The following TMEM59 variants were observed in gnomAD, a reference collection of about 807,000 sequenced individuals.
TMEM59 encodes transmembrane protein 59.
TMEM59 carries 44 observed loss-of-function variants against 42.2 expected under a neutral mutation model. The observed-to-expected ratio is 1.04, with a 90% CI of 0.82 to 1.34. The LOEUF (loss-of-function observed/expected upper bound fraction) is 1.34. Ranked by LOEUF, TMEM59 falls within the 40% of genes most tolerant of loss-of-function variation. The pLI is 0.00. For synonymous variants in TMEM59, 148 were observed against 145.8 expected, an observed-to-expected ratio of 1.02 and a Z score of -0.11; for missense variants, 359 against 382.8, an observed-to-expected ratio of 0.94 and a Z score of 0.52.
At position 54,036,734 on chromosome 1, in the gene TMEM59, C is replaced by G; in HGVS notation, c.708-16G>C. ...CCCAGAGTTACTGGAAAAAAAAAAT[C>G]AACAATTAGTTATATTAAAATTTTA... On this transcript the variant is annotated splice_polypyrimidine_tract_variant and intron_variant, in intron 6 of 7. Coordinates refer to ENST00000234831, the MANE Select transcript of TMEM59 (RefSeq NM_004872.5). 1 of 1,509,040 alleles carries G rather than the reference C, an allele frequency of 6.6e-7. No individual in the cohort carries two copies. The highest frequency in any genetic ancestry group is 1.3e-5 in the South Asian group (1 of 78,924). 93.5% of individuals were successfully genotyped at this position (1,509,040 alleles called of 1,614,324 possible).
intron 1 of TMEM59, chr1:54,047,576 A>G (rs1657386026): frequency 2.1e-6 from 1 of 481,800 alleles, no homozygotes; most frequent in Non-Finnish European, 3.6e-6. Context: ...TTTAAAAGTG[A>G]TACGAAGAAA....
chr1:54,049,174 T>C (rs937860478), intron 1 of TMEM59, among the ~76,000 whole-genome samples: 2 of 152,224 alleles, frequency 1.3e-5, no homozygotes, highest in Non-Finnish European at 2.9e-5. Flanking sequence ...GGTTTGAAGC[T>C]CAGACTTGCC....
In TMEM59 at chr1:54,027,039, G is replaced by A. The variant is rs2100283374; in HGVS notation, c.*5111C>T. ...AACCAGGGGTCTGGTGAACTTGGAT[G>A]GGAAAAATTTTAAATCTTTCTTTTC... On this transcript the variant is annotated 3_prime_UTR_variant, in exon 8 of 8. Coordinates refer to ENST00000234831, the MANE Select transcript of TMEM59 (RefSeq NM_004872.5). 1.3e-5 allele frequency: 2 copies of A among 152,290 alleles called. No individual in the cohort carries two copies. Among genetic ancestry groups the A allele is most frequent in the Non-Finnish European group, 2.9e-5 (2 of 68,014 alleles). 9.4% of individuals were successfully genotyped at this position (152,290 alleles called of 1,614,324 possible).
upstream of TMEM59, chr1:54,053,275 G>A (rs1266580097): frequency 9.3e-6 from 14 of 1,506,454 alleles, no homozygotes; most frequent in African/African-American, 1.4e-5. Context: ...CCCCTTCTCC[G>A]CCCCACCGAC....
intron 7 of TMEM59, among the ~76,000 whole-genome samples, chr1:54,036,280 CAAAA>C (rs368533117): frequency 7.1e-4 from 96 of 135,240 alleles, no homozygotes; most frequent in South Asian, 4.5e-3. Flanking sequence ...GACTCTGCCT[CAAAA>C]AAAAAAAAAG....
chr1:54,038,006 A>G (rs984834426), intron 6 of TMEM59, among the ~76,000 whole-genome samples: 3 of 152,302 alleles, frequency 2.0e-5, no homozygotes, highest in East Asian at 1.9e-4. Context: ...CAGATTTTCA[A>G]CTATCTCCAT....
chr1:54,035,547 T>C (rs550166809), intron 7 of TMEM59, among the ~76,000 whole-genome samples: 1 of 152,332 alleles, frequency 6.6e-6, no homozygotes, highest in South Asian at 2.1e-4. Context: ...GAAGTCACAA[T>C]GTCTCCCATC....
Position 54,028,802 on chromosome 1 carries a change from C to T in TMEM59, c.*3348G>A, listed in dbSNP as rs1376433333. On this transcript the variant is annotated 3_prime_UTR_variant, in exon 8 of 8. Coordinates refer to ENST00000234831, the MANE Select transcript of TMEM59 (RefSeq NM_004872.5). Reference sequence around the variant, plus strand: ...ATAATAGTCTCCTTCAGAGTCTCAGCAATTGGGGTCAGGCACTGGGTCTTA... The same window carrying T: ...ATAATAGTCTCCTTCAGAGTCTCAGTAATTGGGGTCAGGCACTGGGTCTTA... The T allele has an allele frequency of 6.6e-6, 1 of 152,194 alleles. No homozygotes were observed. The highest frequency in any genetic ancestry group is 1.5e-5 in the Non-Finnish European group (1 of 68,088). The allele number at this position is 152,194 out of a possible 1,614,324, so 9.4% of individuals were successfully genotyped here.
chr1:54,046,828 T>C (rs1039282207), intron 2 of TMEM59, among the ~76,000 whole-genome samples: 1 of 152,250 alleles, frequency 6.6e-6, no homozygotes, highest in Non-Finnish European at 1.5e-5. Context: ...ACAAAGCCTC[T>C]GGCTACTTAT....
At position 54,048,353 on chromosome 1, in the gene TMEM59, G is replaced by T. The variant is rs546728355; in HGVS notation, c.190-981C>A. On this transcript the variant is annotated intron_variant, in intron 1 of 7. Coordinates refer to ENST00000234831, the MANE Select transcript of TMEM59 (RefSeq NM_004872.5). ...AATCTCAGCTTTCTCATCAAAAAAGGAGAGAACAGCCATTATCTCCAAATT... is the reference window on the plus strand; with the variant it reads ...AATCTCAGCTTTCTCATCAAAAAAGTAGAGAACAGCCATTATCTCCAAATT... Among the ~76,000 whole-genome samples the T allele has an allele frequency of 4.6e-5, 7 of 152,300 alleles. No homozygotes were observed. In the East Asian group the frequency reaches 7.7e-4, roughly 17 times the overall value.
At chr1:54,041,643 T>C in intron 5 of TMEM59, 81 bp downstream of exon 5, 1 of 1,147,962 alleles carries the variant, frequency 8.7e-7, no homozygotes, top group Non-Finnish European at 1.3e-6. Flanking sequence ...TCCATCAGTG[T>C]AAAAACAAAC....
At chr1:54,046,285 A>C (rs1195408956) in intron 2 of TMEM59, among the ~76,000 whole-genome samples, 1 of 152,250 alleles carries the variant, frequency 6.6e-6, no homozygotes, top group African/African-American at 2.4e-5. Flanking sequence ...CAGATCACTC[A>C]GTTAAGAAGT....
intron 3 of TMEM59, among the ~76,000 whole-genome samples, chr1:54,045,094 A>G (rs1301765878): frequency 6.6e-6 from 1 of 152,212 alleles, no homozygotes; most frequent in East Asian, 1.9e-4. Context: ...TGGAGAATAG[A>G]GTATGAAATT....
At chr1:54,051,452 T>A (rs1421799610) in intron 1 of TMEM59, among the ~76,000 whole-genome samples, 1 of 152,144 alleles carries the variant, frequency 6.6e-6, no homozygotes, top group Non-Finnish European at 1.5e-5. Flanking sequence ...CTTTAATAAA[T>A]AAGTAAAAAT....
rs568171641 is a variant in TMEM59, at chr1:54,043,444, C to A, written c.472G>T (p.Ala158Ser). ...RSFWSDMMDSAQSFITSSWTF... is the reference protein window; with the variant it reads ...RSFWSDMMDSSQSFITSSWTF... ...CATGAAGAGGTTATGAAGCTCTGTG[C>A]GGAGTCCATCATGTCACTCCAGAAT... Residue 158 changes from alanine (A) to serine (S), a missense_variant, in exon 4 of 8, where the codon GCA (alanine) becomes TCA (serine). Ala to Ser is a moderately conservative substitution (Grantham distance 99). Coordinates refer to ENST00000234831, the MANE Select transcript of TMEM59 (RefSeq NM_004872.5). 2.0e-5 allele frequency: 32 copies of A among 1,583,316 alleles called. No individual in the cohort carries two copies. Among genetic ancestry groups the A allele is most frequent in the Non-Finnish European group, 2.7e-5 (31 of 1,164,712 alleles).
rs1355640371 is a variant in TMEM59, at chr1:54,036,721, G to GGAAAAAAA, written c.708-11_708-4dup. On this transcript the variant is annotated splice_region_variant and splice_polypyrimidine_tract_variant and intron_variant, in intron 6 of 7. Coordinates refer to ENST00000234831, the MANE Select transcript of TMEM59 (RefSeq NM_004872.5). ...TAGTTAAAATCCACCCAGAGTTACT[G>GGAAAAAAA]GAAAAAAAAAATCAACAATTAGTTA... 9 of 1,546,582 alleles carry GGAAAAAAA rather than the reference G, an allele frequency of 5.8e-6. No homozygotes were observed. The highest frequency in any genetic ancestry group is 7.8e-6 in the Non-Finnish European group (9 of 1,150,512).
intron 1 of TMEM59, chr1:54,047,732 G>A (rs546963036): frequency 3.0e-4 from 78 of 257,982 alleles, no homozygotes; most frequent in Non-Finnish European, 4.5e-4. Flanking sequence ...AAGCTGAGGT[G>A]GGAGGACTGC....
At chr1:54,044,337 A>AGC in intron 3 of TMEM59, 2 of 144,824 alleles carry the variant, frequency 1.4e-5, no homozygotes, top group African/African-American at 2.5e-5. Context: ...GCGAGACTCC[A>AGC]TCACAAAAAA....
chr1:54,050,646 T>C (rs1027110989), intron 1 of TMEM59, among the ~76,000 whole-genome samples: 3 of 149,886 alleles, frequency 2.0e-5, no homozygotes, highest in African/African-American at 7.4e-5. Flanking sequence ...GCAACCTCTG[T>C]CTCCCGGGTT....
Sources: gnomAD v4.1 joint callset for allele counts (sites outside exome capture counted in the v4.1 genomes callset) on GRCh38, gnomAD v4.1.1 for gene constraint, MANE v1.5 for transcripts, NCBI Gene and HGNC (gene_info 2026-07-23, HGNC 2026-07-21) for gene names.